EHBP1: variants seen among roughly 807,000 people sequenced by gnomAD.
The protein encoded by EHBP1 is EH domain-binding protein 1.
A neutral mutation model predicts 144.0 loss-of-function variants in EHBP1; 55 were observed. That is an observed-to-expected ratio of 0.38 (90% CI 0.31 to 0.48). EHBP1 has a LOEUF of 0.48. Ranked by LOEUF, EHBP1 falls within the 20% of genes least tolerant of loss-of-function variation. The pLI, the probability that EHBP1 is intolerant of heterozygous loss-of-function variation, is 0.98. For missense variants in EHBP1, 1,200 were observed against 1,364.2 expected, an observed-to-expected ratio of 0.88 and a Z score of 1.90; for synonymous variants, 469 against 472.7, an observed-to-expected ratio of 0.99 and a Z score of 0.10.
At chr2:62,936,009 T>C (rs745338978) in intron 10 of EHBP1, among the ~76,000 whole-genome samples, 7 of 152,186 alleles carry the variant, frequency 4.6e-5, no homozygotes, top group Admixed American at 3.3e-4. Flanking sequence ...TCAAGACGTG[T>C]TATCCTTTTT....
At chr2:62,911,416 C>G (rs773190694) in intron 10 of EHBP1, among the ~76,000 whole-genome samples, 2 of 151,934 alleles carry the variant, frequency 1.3e-5, no homozygotes, top group Non-Finnish European at 2.9e-5. Context: ...AGAATGTTTT[C>G]TTGGTTATTT....
At chr2:62,729,384 T>C (rs1467519564) in intron 2 of EHBP1, among the ~76,000 whole-genome samples, 23 of 120,450 alleles carry the variant, frequency 1.9e-4, no homozygotes, top group African/African-American at 7.4e-4. Context: ...ATAATAAATA[T>C]CATATTTATT....
chr2:62,871,284 C>T (rs1263019667), intron 9 of EHBP1, among the ~76,000 whole-genome samples: 1 of 152,126 alleles, frequency 6.6e-6, no homozygotes, highest in Non-Finnish European at 1.5e-5. Flanking sequence ...TTTTAAATGC[C>T]TTAATAAAAA....
chr2:62,819,006 G>C (rs2045666369), intron 5 of EHBP1, among the ~76,000 whole-genome samples: 1 of 152,120 alleles, frequency 6.6e-6, no homozygotes, highest in African/African-American at 2.4e-5. Context: ...AATGGGAAAG[G>C]ATGCCGCAGC....
intron 19 of EHBP1, among the ~76,000 whole-genome samples, chr2:63,026,549 C>T (rs1574526732): frequency 6.6e-6 from 1 of 152,098 alleles, no homozygotes; most frequent in South Asian, 2.1e-4. Context: ...GAATAAATAA[C>T]TTACACAAGT....
At chr2:62,990,669 C>A in intron 15 of EHBP1, 47 bp from the exon 16 acceptor site, 2 of 1,596,590 alleles carry the variant, frequency 1.3e-6, no homozygotes, top group Non-Finnish European at 1.7e-6. Flanking sequence ...GCCTACATAT[C>A]TAAATGCATC....
chr2:63,016,035 G>A (rs145374353), intron 19 of EHBP1, among the ~76,000 whole-genome samples: 1 of 152,212 alleles, frequency 6.6e-6, no homozygotes, highest in South Asian at 2.1e-4. Context: ...TTCTGAAGTA[G>A]TATAGAGTTA....
chr2:62,894,876 C>G (rs1219392842), intron 10 of EHBP1, among the ~76,000 whole-genome samples: 1 of 150,108 alleles, frequency 6.7e-6, no homozygotes, highest in Non-Finnish European at 1.5e-5. Context: ...TATGATTGCC[C>G]CACTGCACTG....
intron 3 of EHBP1, among the ~76,000 whole-genome samples, chr2:62,752,160 C>T (rs2039796519): frequency 6.6e-6 from 1 of 152,168 alleles, no homozygotes; most frequent in Non-Finnish European, 1.5e-5. Context: ...TTGAATGTGT[C>T]CCAGAGATTC....
chr2:62,917,448 G>A (rs969028132), intron 10 of EHBP1, among the ~76,000 whole-genome samples: 6 of 152,174 alleles, frequency 3.9e-5, no homozygotes, highest in African/African-American at 9.6e-5. Context: ...ATGCGCACGT[G>A]TGCACACAGA....
At chr2:62,709,152 G>T (rs992677015) in intron 2 of EHBP1, among the ~76,000 whole-genome samples, 3 of 152,148 alleles carry the variant, frequency 2.0e-5, no homozygotes, top group African/African-American at 7.2e-5. Flanking sequence ...TAAATAAGGG[G>T]AGACAAAAGG....
chr2:62,697,861 A>G (rs1021080905), intron 1 of EHBP1, among the ~76,000 whole-genome samples: 2 of 152,250 alleles, frequency 1.3e-5, no homozygotes, highest in Non-Finnish European at 2.9e-5. Context: ...AAACAGAATG[A>G]ACTATTGGCA....
At chr2:62,747,604 C>G (rs536310896) in intron 3 of EHBP1, 152 bp downstream of exon 3, 6 of 618,164 alleles carry the variant, frequency 9.7e-6, no homozygotes, top group African/African-American at 9.6e-5. Context: ...ATGCTATAAT[C>G]TTTTAACTGC....
intron 5 of EHBP1, among the ~76,000 whole-genome samples, chr2:62,819,846 T>A (rs980195426): frequency 6.6e-6 from 1 of 152,002 alleles, no homozygotes; most frequent in African/African-American, 2.4e-5. Context: ...GAAATTCATG[T>A]AATTGAATAT....
intron 3 of EHBP1, among the ~76,000 whole-genome samples, chr2:62,747,903 C>T (rs909231987): frequency 4.0e-5 from 6 of 151,878 alleles, no homozygotes; most frequent in Non-Finnish European, 7.4e-5. Context: ...CCTTTTTGCC[C>T]TCTGCCTTCT....
intron 14 of EHBP1, among the ~76,000 whole-genome samples, chr2:62,969,352 G>A (rs1014433589): frequency 1.3e-5 from 2 of 151,934 alleles, no homozygotes; most frequent in Admixed American, 1.3e-4. Flanking sequence ...CTTTTGTTTA[G>A]GATTCTTTAT....
At chr2:62,687,231 T>G (rs1467240816) in intron 1 of EHBP1, among the ~76,000 whole-genome samples, 1 of 152,230 alleles carries the variant, frequency 6.6e-6, no homozygotes, top group Non-Finnish European at 1.5e-5. Flanking sequence ...CCCTTTAATT[T>G]ATAAGATGAA....
At chr2:62,908,717 A>G (rs1029841700) in intron 10 of EHBP1, among the ~76,000 whole-genome samples, 5 of 152,100 alleles carry the variant, frequency 3.3e-5, no homozygotes, top group African/African-American at 1.2e-4. Context: ...AGTTTTCAAA[A>G]TGTCTTTCTC....
At chr2:62,833,278 ATGAAAG>A (rs2046959270) in intron 7 of EHBP1, among the ~76,000 whole-genome samples, 1 of 152,256 alleles carries the variant, frequency 6.6e-6, no homozygotes, top group Non-Finnish European at 1.5e-5. Flanking sequence ...TGTCCATAAC[ATGAAAG>A]TGCAAAGTAA....
Sources: gnomAD v4.1 joint callset for allele counts (sites outside exome capture counted in the v4.1 genomes callset) on GRCh38, gnomAD v4.1.1 for gene constraint, MANE v1.5 for transcripts, NCBI Gene and HGNC (gene_info 2026-07-23, HGNC 2026-07-21) for gene names.